Variants in NBEAL1 observed in about 807,000 individuals in gnomAD.
The protein encoded by NBEAL1 is neurobeachin like 1, also known as neurobeachin-like protein 1.
NBEAL1 carries 273 observed loss-of-function variants against 351.3 expected under a neutral mutation model. That is an observed-to-expected ratio of 0.78 (90% CI 0.70 to 0.86). The LOEUF (loss-of-function observed/expected upper bound fraction) is 0.86, where lower values mean the gene tolerates loss of function less well. NBEAL1 is among the 40% of genes least tolerant of loss of function. NBEAL1 has a pLI of 0.00. For synonymous variants in NBEAL1, 1,050 were observed against 1,086.4 expected, an observed-to-expected ratio of 0.97 and a Z score of 0.66; for missense variants, 2,961 against 3,201.3, an observed-to-expected ratio of 0.92 and a Z score of 1.81.
chr2:203,124,100 G>A lies in NBEAL1; in HGVS notation c.2683-1252G>A, dbSNP rs912417174. ...ACCTGTAATCCCAGTACTTTGGGAGGCCATGGCGGGCAAATTGCTTGAGCT... is the reference window on the plus strand; with the variant it reads ...ACCTGTAATCCCAGTACTTTGGGAGACCATGGCGGGCAAATTGCTTGAGCT... On this transcript the variant is annotated intron_variant, in intron 19 of 55. Transcript: ENST00000683969. Among the ~76,000 whole-genome samples, 5 of 152,268 alleles carry A rather than the reference G, an allele frequency of 3.3e-5. No individual in the cohort carries two copies. In the South Asian group the frequency reaches 1.0e-3, roughly 32 times the overall value.
At chr2:203,156,937 A>G (rs2063811779) in intron 35 of NBEAL1, among the ~76,000 whole-genome samples, 1 of 152,222 alleles carries the variant, frequency 6.6e-6, no homozygotes, top group African/African-American at 2.4e-5. Flanking sequence ...AGATAAATAT[A>G]TAATAGTAGC....
chr2:203,094,151 T>C (rs2062127757), intron 10 of NBEAL1, among the ~76,000 whole-genome samples: 1 of 152,172 alleles, frequency 6.6e-6, no homozygotes, highest in Non-Finnish European at 1.5e-5. Flanking sequence ...CCTAAGTCCA[T>C]TGTAATATAT....
chr2:203,136,206 A>G lies in NBEAL1; in HGVS notation c.4343A>G (p.Asn1448Ser). The G allele has an allele frequency of 3.1e-6, 5 of 1,609,960 alleles. No homozygotes were observed. Among genetic ancestry groups the G allele is most frequent in the Non-Finnish European group, 4.2e-6 (5 of 1,178,876 alleles). ...TCTGACAGAGAAAGCAGCATCACAA[A>G]TGATATGGGCTTTAGTGATGACTTC... ...VHSDRESSIT[N>S]DMGFSDDFSL... Residue 1448 changes from asparagine (N) to serine (S), a missense_variant, in exon 28 of 56, where the codon AAT becomes AGT. Coordinates refer to ENST00000683969, the MANE Select transcript of NBEAL1 (RefSeq NM_001378026.1).
At chr2:203,135,415 TTTTAA>T (rs1392957078) in intron 27 of NBEAL1, among the ~76,000 whole-genome samples, 1 of 152,156 alleles carries the variant, frequency 6.6e-6, no homozygotes, top group Non-Finnish European at 1.5e-5. Context: ...ATCCTATTCA[TTTTAA>T]TTTTTCTTTT....
At chr2:203,180,125 G>T (rs2064658850) in intron 42 of NBEAL1, among the ~76,000 whole-genome samples, 1 of 152,172 alleles carries the variant, frequency 6.6e-6, no homozygotes, top group Non-Finnish European at 1.5e-5. Context: ...TTTCTCCAGT[G>T]TGATTTGGTT....
chr2:203,202,730 G>T lies in NBEAL1; in HGVS notation c.7455G>T (p.Leu2485Phe). The change falls in exon 51 of 56, where the codon TTG (leucine) becomes TTT (phenylalanine). Residue 2485 changes from leucine to phenylalanine, a missense_variant. Coordinates refer to ENST00000683969, the MANE Select transcript of NBEAL1 (RefSeq NM_001378026.1). The part of the protein sequence containing the change: ...CLATDYCGIH[L>F]ISGSRDTTCM... ...CTACAGATTACTGTGGAATACATTTGATTTCTGGTTCCAGAGATACTACAT... is the reference window on the plus strand; with the variant it reads ...CTACAGATTACTGTGGAATACATTTTATTTCTGGTTCCAGAGATACTACAT... 1 of 1,602,722 alleles carries T rather than the reference G, an allele frequency of 6.2e-7. No individual in the cohort carries two copies. Among genetic ancestry groups the T allele is most frequent in the South Asian group, 1.1e-5 (1 of 90,682 alleles).
chr2:203,136,449 T>TA (rs2063211265), intron 28 of NBEAL1, 150 bp from the exon 29 acceptor site: 2 of 738,988 alleles, frequency 2.7e-6, no homozygotes, highest in African/African-American at 3.5e-5. Flanking sequence ...TTACTCATCT[T>TA]ATGTCTCTAG....
chr2:203,216,243 G>A (rs762906119), intron 55 of NBEAL1, among the ~76,000 whole-genome samples: 1 of 152,100 alleles, frequency 6.6e-6, no homozygotes, highest in Non-Finnish European at 1.5e-5. Flanking sequence ...CTGCCTTCAA[G>A]GGGCTTATGC....
chr2:203,173,874 A>G (rs984279489), intron 41 of NBEAL1, among the ~76,000 whole-genome samples: 1 of 152,108 alleles, frequency 6.6e-6, no homozygotes, highest in African/African-American at 2.4e-5. Context: ...GTAAAAGGAA[A>G]TTGGCCTCAG....
chr2:203,162,340 A>G (rs1016416229), intron 36 of NBEAL1, among the ~76,000 whole-genome samples: 2 of 151,964 alleles, frequency 1.3e-5, no homozygotes, highest in Non-Finnish European at 2.9e-5. Flanking sequence ...TTAACTTTCT[A>G]TGTTGATAAA....
intron 27 of NBEAL1, 66 bp downstream of exon 27, chr2:203,133,212 C>T: frequency 1.6e-6 from 1 of 635,928 alleles, no homozygotes; most frequent in South Asian, 3.1e-5. Context: ...AATAACTTTG[C>T]ATTATTTTGC....
chr2:203,120,807 G>GGTCAT (rs2062812585), intron 18 of NBEAL1, among the ~76,000 whole-genome samples: 1 of 152,154 alleles, frequency 6.6e-6, no homozygotes. Flanking sequence ...TGTTAAAACA[G>GGTCAT]GTCATAGATA....
At chr2:203,142,490 C>T (rs2063406907) in intron 31 of NBEAL1, among the ~76,000 whole-genome samples, 1 of 151,948 alleles carries the variant, frequency 6.6e-6, no homozygotes, top group African/African-American at 2.4e-5. Context: ...CCTCAGGTGA[C>T]CCTAATGCAA....
chr2:203,179,154 T>C (rs2064619058), intron 42 of NBEAL1, among the ~76,000 whole-genome samples: 1 of 152,178 alleles, frequency 6.6e-6, no homozygotes, highest in Non-Finnish European at 1.5e-5. Context: ...TCAAGGCCAT[T>C]AAATACTTAA....
At chr2:203,156,679 A>C (rs917615010) in intron 35 of NBEAL1, among the ~76,000 whole-genome samples, 55 of 152,218 alleles carry the variant, frequency 3.6e-4, no homozygotes, top group African/African-American at 1.3e-3. Context: ...GCTGTACGTT[A>C]CGTTGATTCA....
At position 203,209,218 on chromosome 2, in the gene NBEAL1, C is replaced by A. The variant is rs770926378; in HGVS notation, c.7681C>A (p.Pro2561Thr). The A allele has an allele frequency of 7.4e-6, 12 of 1,613,554 alleles. No homozygotes were observed. The highest frequency in any genetic ancestry group is 1.0e-5 in the Non-Finnish European group (12 of 1,179,536). The change falls in exon 53 of 56, where the codon CCA becomes ACA. Residue 2561 changes from proline (P) to threonine (T), a missense_variant. Coordinates refer to ENST00000683969, the MANE Select transcript of NBEAL1 (RefSeq NM_001378026.1). ...QKGQYMRTLR[P>T]PCESSLFLTI... is the part of the protein sequence containing the mutation. ...AGGTCAGTACATGAGGACTTTACGA[C>A]CACCTTGTGAGAGTTCTCTGTTCCT...
At chr2:203,187,221 A>G (rs1218629407) in intron 44 of NBEAL1, among the ~76,000 whole-genome samples, 2 of 151,242 alleles carry the variant, frequency 1.3e-5, no homozygotes, top group Non-Finnish European at 2.9e-5. Flanking sequence ...CAATACCACC[A>G]TTCCCAGCTA....
rs1423417292 is a variant in NBEAL1, at chr2:203,136,105, T to C, written c.4242T>C (p.Asp1414=). The change falls in exon 28 of 56, where the codon GAT becomes GAC. Residue 1414 remains aspartate, a synonymous_variant. Coordinates refer to ENST00000683969, the MANE Select transcript of NBEAL1 (RefSeq NM_001378026.1). ...GAATTGACTCATGTGAAATGAGTGA[T>C]AGTGGAAGTCAAGTGCCAGACAGTC... ...LSGIDSCEMS[D]SGSQVPDSLP... The C allele has an allele frequency of 6.2e-7, 1 of 1,614,198 alleles. No individual in the cohort carries two copies. Among genetic ancestry groups the C allele is most frequent in the East Asian group, 2.2e-5 (1 of 44,872 alleles).
intron 2 of NBEAL1, among the ~76,000 whole-genome samples, chr2:203,039,021 A>G (rs1393322925): frequency 1.4e-5 from 2 of 147,912 alleles, no homozygotes; most frequent in Non-Finnish European, 3.0e-5. Flanking sequence ...AGAAGTTTTA[A>G]ATTTTGATTA....
Sources: gnomAD v4.1 joint callset for allele counts (sites outside exome capture counted in the v4.1 genomes callset) on GRCh38, gnomAD v4.1.1 for gene constraint, MANE v1.5 for transcripts, NCBI Gene and HGNC (gene_info 2026-07-23, HGNC 2026-07-21) for gene names.